Variants in SCFD2 observed in about 807,000 individuals in gnomAD.
SCFD2 encodes the protein sec1 family domain-containing protein 2.
Under a neutral mutation model 58.9 loss-of-function variants are expected in SCFD2, and 54 were observed. That is an observed-to-expected ratio of 0.92 (90% CI 0.74 to 1.15). The LOEUF is 1.15. Ranked by LOEUF, SCFD2 falls within the 50% of genes most tolerant of loss-of-function variation. The pLI, the probability that SCFD2 is intolerant of heterozygous loss-of-function variation, is 0.00. For missense variants in SCFD2, 805 were observed against 836.6 expected, an observed-to-expected ratio of 0.96 and a Z score of 0.47; for synonymous variants, 321 against 335.9, an observed-to-expected ratio of 0.96 and a Z score of 0.49.
intron 4 of SCFD2, among the ~76,000 whole-genome samples, chr4:53,212,930 T>A (rs1374185409): frequency 6.6e-6 from 1 of 151,834 alleles, no homozygotes; most frequent in African/African-American, 2.4e-5. Flanking sequence ...ATTCTACACA[T>A]GAGAGAAAAG....
intron 3 of SCFD2, among the ~76,000 whole-genome samples, chr4:53,283,139 A>G (rs930269802): frequency 6.6e-6 from 1 of 152,242 alleles, no homozygotes; most frequent in African/African-American, 2.4e-5. Context: ...AAACATGTCA[A>G]GCACTTTAGA....
chr4:52,918,038 C>T lies in SCFD2; in HGVS notation c.1707+2687G>A, dbSNP rs566898280. Among the ~76,000 whole-genome samples the T allele has an allele frequency of 7.2e-5, 11 of 152,280 alleles. No homozygotes were observed. The East Asian group carries it at 2.1e-3, about 29-fold the overall frequency. ...TATGCAGCATAGGTCAGACCGGGAA[C>T]AGGAACCCAGGGCCAGGCCAGCTAG... On this transcript the variant is annotated intron_variant, in intron 6 of 8. Transcript: ENST00000401642.
rs141709201 is a variant in SCFD2, at chr4:53,248,699, T to C, written c.1311+25127A>G. On this transcript the variant is annotated intron_variant, in intron 4 of 8. Transcript: ENST00000401642. Reference sequence around the variant, plus strand: ...ACACAGCCGGGTACTCCTCAGGGTCTGGAGTAGACCTCTAGCAAACTCCAA... The same window carrying C: ...ACACAGCCGGGTACTCCTCAGGGTCCGGAGTAGACCTCTAGCAAACTCCAA... Among the ~76,000 whole-genome samples the C allele has an allele frequency of 8.5e-3, 1,297 of 152,220 alleles. 12 individuals are homozygous for C. The highest frequency in any genetic ancestry group is 0.03 in the African/African-American group (1,233 of 41,522).
chr4:53,203,779 G>A (rs1394369914), intron 4 of SCFD2, among the ~76,000 whole-genome samples: 7 of 152,170 alleles, frequency 4.6e-5, no homozygotes, highest in Middle Eastern at 3.4e-3. Context: ...GGAGGGAATT[G>A]GGTAAATTAA....
At chr4:53,194,107 T>C (rs1046189409) in intron 4 of SCFD2, among the ~76,000 whole-genome samples, 5 of 152,190 alleles carry the variant, frequency 3.3e-5, no homozygotes, top group Non-Finnish European at 5.9e-5. Flanking sequence ...ACAACCAACA[T>C]ATACACAGAC....
At chr4:53,164,038 T>TAAAAAGTTC (rs1726931241) in intron 4 of SCFD2, among the ~76,000 whole-genome samples, 1 of 152,110 alleles carries the variant, frequency 6.6e-6, no homozygotes, top group Non-Finnish European at 1.5e-5. Flanking sequence ...CATCTCTAGG[T>TAAAAAGTTC]CTCAAGTTCC....
chr4:53,239,669 G>C (rs1266906184), intron 4 of SCFD2, among the ~76,000 whole-genome samples: 1 of 152,046 alleles, frequency 6.6e-6, no homozygotes, highest in African/African-American at 2.4e-5. Flanking sequence ...TTTTTTAGTA[G>C]AGACGGGTTT....
chr4:52,949,885 C>T (rs1177231519), intron 5 of SCFD2: 3 of 152,200 alleles, frequency 2.0e-5, no homozygotes, highest in Non-Finnish European at 2.9e-5. Context: ...GAAGTGCAGC[C>T]TCTGGTGACA....
intron 3 of SCFD2, among the ~76,000 whole-genome samples, chr4:53,280,499 G>A (rs1181195365): frequency 6.6e-6 from 1 of 151,754 alleles, no homozygotes; most frequent in Non-Finnish European, 1.5e-5. Context: ...CTGGGCGACA[G>A]AGGGAAACTC....
chr4:53,349,057 T>C (rs139089120), intron 2 of SCFD2, among the ~76,000 whole-genome samples: 2 of 152,250 alleles, frequency 1.3e-5, no homozygotes, highest in African/African-American at 4.8e-5. Flanking sequence ...ACTCATAGTC[T>C]AATGAGAAGA....
At chr4:52,998,316 G>A (rs569848542) in intron 5 of SCFD2, among the ~76,000 whole-genome samples, 1 of 152,318 alleles carries the variant, frequency 6.6e-6, no homozygotes, top group Admixed American at 6.5e-5. Context: ...GACCTCGCAG[G>A]AGATAGAAAA....
chr4:53,194,390 AC>A (rs991097716), intron 4 of SCFD2, among the ~76,000 whole-genome samples: 6 of 152,044 alleles, frequency 3.9e-5, no homozygotes, highest in Admixed American at 3.9e-4. Context: ...ATCTATTAAA[AC>A]CTTTTTAGAA....
intron 4 of SCFD2, among the ~76,000 whole-genome samples, chr4:53,255,845 AC>A (rs1283333673): frequency 6.8e-5 from 10 of 146,926 alleles, no homozygotes; most frequent in Non-Finnish European, 1.1e-4. Flanking sequence ...CGGGGGGCTG[AC>A]CCCCCCACCT....
At chr4:53,198,430 CATA>C (rs1728124828) in intron 4 of SCFD2, among the ~76,000 whole-genome samples, 1 of 151,842 alleles carries the variant, frequency 6.6e-6, no homozygotes, top group Non-Finnish European at 1.5e-5. Flanking sequence ...TTTATAGACA[CATA>C]ATCTAATATT....
At chr4:53,086,166 C>A (rs1211274306) in intron 5 of SCFD2, among the ~76,000 whole-genome samples, 1 of 152,066 alleles carries the variant, frequency 6.6e-6, no homozygotes, top group Non-Finnish European at 1.5e-5. Context: ...ATACGAGGAG[C>A]TCGAACAATT....
At chr4:53,192,511 A>C (rs1727944071) in intron 4 of SCFD2, among the ~76,000 whole-genome samples, 1 of 152,210 alleles carries the variant, frequency 6.6e-6, no homozygotes, top group African/African-American at 2.4e-5. Context: ...TTCTGTAAAC[A>C]TAAACTACTG....
rs181306781 is a variant in SCFD2, at chr4:53,151,395, T to C, written c.1312-5813A>G. On this transcript the variant is annotated intron_variant, in intron 4 of 8. Transcript: ENST00000401642. ...AGAGTGACAAAACCTTTTGTTTATC[T>C]GAAGTCTGGGGCTCCTGTTATTCTT... is the stretch of plus-strand genomic sequence containing the variant. Among the ~76,000 whole-genome samples, 572 of 152,356 alleles carry C rather than the reference T, an allele frequency of 3.8e-3. 1 individual carries two copies. The highest frequency in any genetic ancestry group is 6.1e-3 in the Non-Finnish European group (414 of 68,040).
chr4:53,308,271 C>T (rs1732577580), intron 3 of SCFD2, among the ~76,000 whole-genome samples: 1 of 152,096 alleles, frequency 6.6e-6, no homozygotes, highest in South Asian at 2.1e-4. Context: ...TTCCCCATTC[C>T]CCAAATTGTG....
chr4:53,071,943 C>A (rs1560323053), intron 5 of SCFD2, among the ~76,000 whole-genome samples: 1 of 152,014 alleles, frequency 6.6e-6, no homozygotes, highest in Non-Finnish European at 1.5e-5. Flanking sequence ...ATTTAAAATA[C>A]AGAAGGCCAA....
Sources: allele counts gnomAD v4.1 joint callset (sites outside exome capture counted in the v4.1 genomes callset), GRCh38; gene constraint gnomAD v4.1.1; transcripts MANE v1.5; gene names NCBI Gene and HGNC (gene_info 2026-07-23, HGNC 2026-07-21).